AFF3: variants seen among roughly 807,000 people sequenced by gnomAD.
AFF3 encodes ALF transcription elongation factor 3.
Under a neutral mutation model 129.7 loss-of-function variants are expected in AFF3, and 32 were observed. That is an observed-to-expected ratio of 0.25 (90% CI 0.19 to 0.33). The LOEUF is 0.33. Ranked by LOEUF, AFF3 falls within the 10% of genes least tolerant of loss-of-function variation. AFF3 has a pLI of 1.00. For missense variants in AFF3, 1,373 were observed against 1,592.0 expected, an observed-to-expected ratio of 0.86 and a Z score of 2.34; for synonymous variants, 644 against 635.4, an observed-to-expected ratio of 1.01 and a Z score of -0.20.
At chr2:99,641,194 G>C (rs1042959453) in intron 13 of AFF3, among the ~76,000 whole-genome samples, 2 of 152,118 alleles carry the variant, frequency 1.3e-5, no homozygotes, top group African/African-American at 4.8e-5. Context: ...CAGAGAGTAG[G>C]GTAATATTGT....
chr2:99,728,135 T>C (rs1442801166), intron 10 of AFF3, among the ~76,000 whole-genome samples: 1 of 152,208 alleles, frequency 6.6e-6, no homozygotes, highest in Non-Finnish European at 1.5e-5. Context: ...CTTAATGTAA[T>C]TCCTAATCCT....
At chr2:99,829,635 C>A (rs779723561) in intron 8 of AFF3, among the ~76,000 whole-genome samples, 9 of 152,066 alleles carry the variant, frequency 5.9e-5, no homozygotes, top group Non-Finnish European at 1.0e-4. Flanking sequence ...AGGCAACAGA[C>A]GCTGGCAAGG....
chr2:99,722,179 A>G (rs1027202776), intron 11 of AFF3, among the ~76,000 whole-genome samples: 1 of 152,132 alleles, frequency 6.6e-6, no homozygotes, highest in Non-Finnish European at 1.5e-5. Context: ...ATCCTTGGAC[A>G]TATTATAGTA....
chr2:99,820,440 A>G (rs13424449), intron 8 of AFF3, among the ~76,000 whole-genome samples: 287 of 152,162 alleles, frequency 1.9e-3, no homozygotes, highest in African/African-American at 6.7e-3. Flanking sequence ...GAGTTTGAAA[A>G]ACTGGAAGGT....
At chr2:99,591,692 T>A (rs1359817090) in intron 15 of AFF3, among the ~76,000 whole-genome samples, 1 of 152,188 alleles carries the variant, frequency 6.6e-6, no homozygotes, top group Non-Finnish European at 1.5e-5. Flanking sequence ...ATGTGTCCAG[T>A]CTAACTTTTC....
chr2:100,042,248 T>C (rs1325385641), intron 4 of AFF3, among the ~76,000 whole-genome samples: 1 of 152,232 alleles, frequency 6.6e-6, no homozygotes, highest in African/African-American at 2.4e-5. Context: ...AGGTCAAATG[T>C]CACCCCACAG....
chr2:99,649,127 G>A (rs1684996870), intron 13 of AFF3, among the ~76,000 whole-genome samples: 2 of 152,060 alleles, frequency 1.3e-5, no homozygotes, highest in Admixed American at 6.6e-5. Flanking sequence ...TCAGTAACAC[G>A]CGCCAGGAGA....
At chr2:100,074,732 G>A (rs1401934379) in intron 4 of AFF3, among the ~76,000 whole-genome samples, 1 of 152,156 alleles carries the variant, frequency 6.6e-6, no homozygotes. Flanking sequence ...CATCCAAGGT[G>A]AGGATGTGCA....
intron 12 of AFF3, among the ~76,000 whole-genome samples, chr2:99,656,715 T>A (rs934168807): frequency 3.9e-5 from 6 of 152,230 alleles, no homozygotes; most frequent in African/African-American, 1.4e-4. Context: ...ACTTTTTATG[T>A]TGTGGGCTTC....
intron 7 of AFF3, among the ~76,000 whole-genome samples, chr2:99,886,317 G>A (rs1048348325): frequency 6.6e-6 from 1 of 152,180 alleles, no homozygotes; most frequent in African/African-American, 2.4e-5. Flanking sequence ...AGCTCCTGCT[G>A]GGGAACCTTG....
chr2:99,759,737 A>C (rs991695780), intron 8 of AFF3, among the ~76,000 whole-genome samples: 6 of 152,236 alleles, frequency 3.9e-5, no homozygotes, highest in Non-Finnish European at 8.8e-5. Flanking sequence ...CAAAATATGT[A>C]ATATACATAC....
At chr2:99,951,347 C>T (rs1276719982) in intron 7 of AFF3, among the ~76,000 whole-genome samples, 1 of 152,154 alleles carries the variant, frequency 6.6e-6, no homozygotes, top group Non-Finnish European at 1.5e-5. Flanking sequence ...TAATTACTAA[C>T]TTGCCTAACC....
chr2:99,576,665 T>G (rs1346663594), intron 18 of AFF3, among the ~76,000 whole-genome samples: 1 of 152,246 alleles, frequency 6.6e-6, no homozygotes, highest in Non-Finnish European at 1.5e-5. Context: ...TGTGTGTATA[T>G]ACCATGCTCT....
chr2:99,810,372 T>C (rs1686693786), intron 8 of AFF3, among the ~76,000 whole-genome samples: 1 of 152,192 alleles, frequency 6.6e-6, no homozygotes, highest in Admixed American at 6.5e-5. Context: ...TGAGAGATAA[T>C]TACAACACTT....
At chr2:99,953,546 T>A (rs1373568944) in intron 7 of AFF3, among the ~76,000 whole-genome samples, 1 of 152,192 alleles carries the variant, frequency 6.6e-6, no homozygotes, top group Non-Finnish European at 1.5e-5. Context: ...AAACTACAAG[T>A]CTTAGAAGAT....
In AFF3 at chr2:99,958,981, C is replaced by T. The variant is rs113820421; in HGVS notation, c.873+47651G>A. 4.9e-3 allele frequency among the ~76,000 whole-genome samples: 738 copies of T among 152,010 alleles called. 4 individuals carry two copies. The highest frequency in any genetic ancestry group is 7.5e-3 in the Non-Finnish European group (507 of 67,944). On this transcript the variant is annotated intron_variant, in intron 7 of 24. Transcript: ENST00000672756. ...ACAAAAATTAGCCAGGCGTGGGTCA[C>T]AGCTACTTGGGAGGCTAAGGTGGGA...
chr2:99,654,267 C>T lies in AFF3; in HGVS notation c.1144-4601G>A, dbSNP rs143265351. Among the ~76,000 whole-genome samples the T allele has an allele frequency of 8.9e-3, 1,361 of 152,104 alleles. 20 individuals carry two copies. The highest frequency in any genetic ancestry group is 0.03 in the African/African-American group (1,256 of 41,498). On this transcript the variant is annotated intron_variant, in intron 12 of 24. Transcript: ENST00000672756. ...CATTAAAAATTTTACAAAAACTCACCATCTATTATGAAAGAAGAGGAGTAT... is the reference window on the plus strand; with the variant it reads ...CATTAAAAATTTTACAAAAACTCACTATCTATTATGAAAGAAGAGGAGTAT...
intron 4 of AFF3, among the ~76,000 whole-genome samples, chr2:100,016,504 T>C (rs546311777): frequency 0.011 from 1,595 of 148,190 alleles, 47 homozygotes; most frequent in African/African-American, 0.036. Context: ...ATGGTACTGG[T>C]GGTGATAGTG....
intron 16 of AFF3, among the ~76,000 whole-genome samples, chr2:99,583,689 C>G (rs1176027399): frequency 6.8e-6 from 1 of 146,216 alleles, no homozygotes; most frequent in Non-Finnish European, 1.5e-5. Context: ...TTCTACACTT[C>G]TTTTTATTTT....
Sources: gnomAD v4.1 joint callset for allele counts (sites outside exome capture counted in the v4.1 genomes callset) on GRCh38, gnomAD v4.1.1 for gene constraint, MANE v1.5 for transcripts, NCBI Gene and HGNC (gene_info 2026-07-23, HGNC 2026-07-21) for gene names.